The following DOCK3 variants were observed in gnomAD, a reference collection of about 807,000 sequenced individuals.
The protein encoded by DOCK3 is dedicator of cytokinesis protein 3.
DOCK3 carries 60 observed loss-of-function variants against 265.6 expected under a neutral mutation model. That is an observed-to-expected ratio of 0.23 (90% confidence interval 0.18 to 0.28). The LOEUF is 0.28. DOCK3 is among the 10% of genes least tolerant of loss of function. The probability of loss-of-function intolerance (pLI) is 1.00; values close to 1 mark genes in which losing one functional copy is unlikely to be tolerated. For synonymous variants in DOCK3, 881 were observed against 938.0 expected (o/e 0.94, Z 1.11); for missense variants, 1,981 against 2,594.3 (o/e 0.76, Z 5.14).
At chr3:51,027,584 A>G (rs553413601) in intron 5 of DOCK3, among the ~76,000 whole-genome samples, 1 of 152,052 alleles carries the variant, frequency 6.6e-6, no homozygotes, top group African/African-American at 2.4e-5. Flanking sequence ...CTGTTTTCTT[A>G]GGTCTAGTTG....
At chr3:50,791,410 C>T (rs1163459611) in intron 2 of DOCK3, among the ~76,000 whole-genome samples, 2 of 151,842 alleles carry the variant, frequency 1.3e-5, no homozygotes, top group African/African-American at 4.8e-5. Context: ...ACTACAGGTG[C>T]ACGCTACCAT....
chr3:50,762,120 C>G (rs1019305847), intron 1 of DOCK3, among the ~76,000 whole-genome samples: 1 of 151,316 alleles, frequency 6.6e-6, no homozygotes, highest in Non-Finnish European at 1.5e-5. Flanking sequence ...GTGGGGGCAG[C>G]GGGGAGGGAT....
intron 9 of DOCK3, among the ~76,000 whole-genome samples, chr3:51,104,846 T>G (rs1161814838): frequency 1.3e-5 from 2 of 152,100 alleles, no homozygotes; most frequent in Non-Finnish European, 2.9e-5. Context: ...TGGAGTGAAG[T>G]GGTAGAATCA....
chr3:51,374,632 AGCCTGT>A lies in DOCK3; in HGVS notation c.5412+48_5412+53del. The A allele has an allele frequency of 7.2e-6, 11 of 1,535,684 alleles. No individual in the cohort carries two copies. The highest frequency in any genetic ancestry group is 9.8e-6 in the Non-Finnish European group (11 of 1,122,990). Reference sequence around the variant, plus strand: ...GACTGTCCTCTGCTGCAAGTGTGTTAGCCTGTGCTTCCCTCCTTGCATTTGCGGGGC... The same window carrying A: ...GACTGTCCTCTGCTGCAAGTGTGTTAGCTTCCCTCCTTGCATTTGCGGGGC... On this transcript the variant is annotated intron_variant, in intron 50 of 52. Coordinates refer to ENST00000266037, the MANE Select transcript of DOCK3 (RefSeq NM_004947.5). This position sits in a 1 kb window ranked among gnomAD's most constrained non-coding sequence, Gnocchi z 4.8.
At chr3:51,174,543 T>G (rs2086845887) in intron 12 of DOCK3, among the ~76,000 whole-genome samples, 1 of 152,176 alleles carries the variant, frequency 6.6e-6, no homozygotes, top group African/African-American at 2.4e-5. Flanking sequence ...TTTCTTTTAG[T>G]TATCTATCTG....
intron 4 of DOCK3, among the ~76,000 whole-genome samples, chr3:50,913,117 G>C (rs192322376): frequency 2.0e-5 from 3 of 152,136 alleles, no homozygotes; most frequent in African/African-American, 7.2e-5. Flanking sequence ...ATAGTACCTG[G>C]GTATCACTGG....
In DOCK3 at chr3:51,356,400, C is replaced by CCT. The variant is rs2086367106; in HGVS notation, c.4417-6_4417-5dup. Reference sequence around the variant, plus strand: ...ACTGCCCATACCTGCCTGTTCCCTCCCTACAGAGCCTGTGGATTGAACGTA... The same window carrying CCT: ...ACTGCCCATACCTGCCTGTTCCCTCCCTCTACAGAGCCTGTGGATTGAACGTA... On this transcript the variant is annotated splice_polypyrimidine_tract_variant and splice_region_variant and intron_variant, in intron 42 of 52. Coordinates refer to ENST00000266037, the MANE Select transcript of DOCK3 (RefSeq NM_004947.5). 1.2e-6 allele frequency: 2 copies of CCT among 1,613,580 alleles called. No homozygotes were observed. Among genetic ancestry groups the CCT allele is most frequent in the African/African-American group, 2.7e-5 (2 of 74,826 alleles).
intron 14 of DOCK3, among the ~76,000 whole-genome samples, chr3:51,222,602 A>G (rs955158979): frequency 3.9e-5 from 6 of 152,220 alleles, no homozygotes; most frequent in Non-Finnish European, 8.8e-5. Context: ...CCAATAGCCT[A>G]ATACCTAACC....
At chr3:51,120,230 G>C (rs1170378156) in intron 9 of DOCK3, among the ~76,000 whole-genome samples, 1 of 152,146 alleles carries the variant, frequency 6.6e-6, no homozygotes, top group Non-Finnish European at 1.5e-5. Context: ...GCCCTCTTCT[G>C]TAGATCCACT....
At chr3:51,158,877 C>G (rs763078246) in intron 10 of DOCK3, among the ~76,000 whole-genome samples, 5 of 152,088 alleles carry the variant, frequency 3.3e-5, no homozygotes, top group Non-Finnish European at 7.4e-5. Context: ...TTGGTGTTTT[C>G]CCAATTTTTT....
intron 13 of DOCK3, among the ~76,000 whole-genome samples, chr3:51,213,752 C>T (rs2089633463): frequency 6.6e-6 from 1 of 152,110 alleles, no homozygotes; most frequent in Non-Finnish European, 1.5e-5. Context: ...ATGTTTGTTT[C>T]TAGTCTTTAG....
Position 51,356,145 on chromosome 3 carries a change from G to C in DOCK3, c.4306G>C (p.Asp1436His), listed in dbSNP as rs771323600. The change falls in exon 42 of 53, where the codon GAT becomes CAT. Residue 1436 changes from aspartate (D) to histidine (H), a missense_variant. By Grantham distance (81) the Asp-to-His change is moderately conservative (BLOSUM62 -1). This residue lies in a region of DOCK3 where 1,357 missense variants were observed against 1,866.8 expected (regional missense o/e 0.73). Coordinates refer to ENST00000266037, the MANE Select transcript of DOCK3 (RefSeq NM_004947.5). ...IPDYVDVLQM[D>H]RVPDRVKSFY... ...AGATTATGTGGATGTTCTGCAGATG[G>C]ATAGGGTACCAGATCGAGTCAAGAG... 6.2e-7 allele frequency: 1 copy of C among 1,614,016 alleles called. No homozygotes were observed. The highest frequency in any genetic ancestry group is 2.2e-5 in the East Asian group (1 of 44,880).
intron 12 of DOCK3, among the ~76,000 whole-genome samples, chr3:51,195,611 T>G (rs2088240537): frequency 6.6e-6 from 1 of 152,102 alleles, no homozygotes; most frequent in Non-Finnish European, 1.5e-5. Context: ...AGAGACGGGA[T>G]GTCACCATGT....
intron 1 of DOCK3, among the ~76,000 whole-genome samples, chr3:50,702,983 A>G (rs1360165822): frequency 1.3e-5 from 2 of 152,104 alleles, no homozygotes; most frequent in Non-Finnish European, 2.9e-5. Flanking sequence ...TGGGTTTGTC[A>G]TAGGTGGCTT....
At chr3:50,806,953 G>T (rs1261056724) in intron 2 of DOCK3, among the ~76,000 whole-genome samples, 1 of 152,118 alleles carries the variant, frequency 6.6e-6, no homozygotes, top group East Asian at 1.9e-4. Context: ...TGCAGTGGTG[G>T]TAGGGGATGG....
chr3:50,885,068 C>A (rs1301224590), intron 3 of DOCK3, among the ~76,000 whole-genome samples: 1 of 152,160 alleles, frequency 6.6e-6, no homozygotes, highest in Non-Finnish European at 1.5e-5. Context: ...CCCCTAGGAA[C>A]CTTGGCAACA....
intron 37 of DOCK3, among the ~76,000 whole-genome samples, chr3:51,339,487 C>T (rs964764016): frequency 6.6e-6 from 1 of 152,228 alleles, no homozygotes; most frequent in Non-Finnish European, 1.5e-5. Context: ...AGGCTAGGCT[C>T]TTCAGACCCT....
intron 1 of DOCK3, among the ~76,000 whole-genome samples, chr3:50,717,562 GA>G (rs1260454362): frequency 1.1e-4 from 16 of 152,100 alleles, no homozygotes; most frequent in African/African-American, 3.9e-4. Context: ...ATCACCTACA[GA>G]ATAGTGTTTA....
intron 14 of DOCK3, among the ~76,000 whole-genome samples, chr3:51,215,248 C>A (rs1258604057): frequency 6.6e-6 from 1 of 152,142 alleles, no homozygotes; most frequent in Non-Finnish European, 1.5e-5. Context: ...GCTGCGACTA[C>A]ACGTGTACAT....
Sources: gnomAD v4.1 joint callset for allele counts (sites outside exome capture counted in the v4.1 genomes callset) on GRCh38, gnomAD v4.1.1 for gene constraint, gnomAD v4.1.1 regional missense constraint, Gnocchi (gnomAD v3.1) non-coding constraint, MANE v1.5 for transcripts, NCBI Gene and HGNC (gene_info 2026-07-23, HGNC 2026-07-21) for gene names.